The following LAMC3 variants were observed in gnomAD, a reference collection of about 807,000 sequenced individuals.
LAMC3 encodes the protein laminin subunit gamma 3, also known as laminin subunit gamma-3.
A neutral mutation model predicts 173.8 loss-of-function variants in LAMC3; 128 were observed. The observed-to-expected ratio is 0.74, with a 90% CI of 0.64 to 0.85. The LOEUF (loss-of-function observed/expected upper bound fraction) is 0.85, where lower values mean the gene tolerates loss of function less well. Ranked by LOEUF, LAMC3 falls within the 40% of genes least tolerant of loss-of-function variation. The probability of loss-of-function intolerance (pLI) is 0.00; values close to 1 mark genes in which losing one functional copy is unlikely to be tolerated. For synonymous variants in LAMC3, 897 were observed against 909.1 expected (o/e 0.99, Z 0.24); for missense variants, 2,022 against 2,156.0 (o/e 0.94, Z 1.23).
In LAMC3 at chr9:131,091,682, G is replaced by T. The variant is rs1830430190; in HGVS notation, c.4623G>T (p.Leu1541=). ...LLEQESQQQE[L]QIQGFESDLA... ...AGCAGGAATCCCAGCAGCAGGAGCT[G>T]CAGATCCAGGGCTTCGAGAGTGACC... is the stretch of plus-strand genomic sequence containing the variant. The change falls in exon 28 of 28, where the codon CTG becomes CTT. Residue 1541 remains leucine (L), a synonymous_variant. Coordinates refer to ENST00000361069, the MANE Select transcript of LAMC3 (RefSeq NM_006059.4). The T allele has an allele frequency of 6.2e-7, 1 of 1,610,316 alleles. No homozygotes were observed. Among genetic ancestry groups the T allele is most frequent in the East Asian group, 2.2e-5 (1 of 44,808 alleles).
chr9:131,081,450 C>CAT (rs58466021), intron 23 of LAMC3, among the ~76,000 whole-genome samples: 1 of 144,088 alleles, frequency 6.9e-6, no homozygotes, highest in African/African-American at 2.5e-5. Flanking sequence ...TCCCTCCCTC[C>CAT]CTCCCTCCCT....
chr9:131,009,236 C>A lies in LAMC3; in HGVS notation c.22C>A (p.Leu8Met), dbSNP rs1212770797. 2 of 1,253,220 alleles carry A rather than the reference C, an allele frequency of 1.6e-6. No individual in the cohort carries two copies. The highest frequency in any genetic ancestry group is 1.0e-6 in the Non-Finnish European group (1 of 1,003,582). The allele number at this position is 1,253,220 out of a possible 1,614,324, so 77.6% of individuals were successfully genotyped here. The change falls in exon 1 of 28, where the codon CTG (leucine) becomes ATG (methionine). Residue 8 changes from leucine to methionine, a missense_variant. Physicochemically the swap from Leu to Met is conservative, Grantham distance 15. Coordinates refer to ENST00000361069, the MANE Select transcript of LAMC3 (RefSeq NM_006059.4). The surrounding 1 kb of genome is among the most constrained non-coding windows in gnomAD (Gnocchi z 4.3). Reference sequence around the variant, plus strand: ...GACCATGGCGGCGGCTGCGCTTCTGCTGGGGCTGGCGCTGCTGGCACCGCG... The same window carrying A: ...GACCATGGCGGCGGCTGCGCTTCTGATGGGGCTGGCGCTGCTGGCACCGCG... MAAAALL[L>M]GLALLAPRAA... is the part of the protein sequence containing the mutation.
At position 131,069,661 on chromosome 9, in the gene LAMC3, G is replaced by C; in HGVS notation, c.2891-11G>C. On this transcript the variant is annotated splice_polypyrimidine_tract_variant and intron_variant, in intron 16 of 27. Coordinates refer to ENST00000361069, the MANE Select transcript of LAMC3 (RefSeq NM_006059.4). ...TCTAAACCCAGCACGCACTGCCCCT[G>C]GCCCCTCTAGCCTGCAGGTGCTCCC... 2 of 1,597,774 alleles carry C rather than the reference G, an allele frequency of 1.3e-6. No homozygotes were observed. Among genetic ancestry groups the C allele is most frequent in the Non-Finnish European group, 1.7e-6 (2 of 1,173,784 alleles).
chr9:131,022,553 T>C (rs1489786929), intron 1 of LAMC3, among the ~76,000 whole-genome samples: 3 of 123,586 alleles, frequency 2.4e-5, no homozygotes, highest in Non-Finnish European at 5.1e-5. Flanking sequence ...TTTTAGAATA[T>C]ATTTATTTAT....
chr9:131,036,352 A>G lies in LAMC3; in HGVS notation c.976+20A>G, dbSNP rs1833944943. On this transcript the variant is annotated intron_variant, in intron 4 of 27. Transcript: ENST00000361069. ...GTCTGCGTGAGTGTCTGAGTGTCAC[A>G]GGGCATCAGGGACCCGAGGCTGGTG... 1.2e-6 allele frequency: 2 copies of G among 1,612,302 alleles called. No homozygotes were observed. The highest frequency in any genetic ancestry group is 1.3e-5 in the African/African-American group (1 of 74,870).
At chr9:131,078,518 C>T (rs1460979554) in intron 22 of LAMC3, among the ~76,000 whole-genome samples, 2 of 152,076 alleles carry the variant, frequency 1.3e-5, no homozygotes, top group Non-Finnish European at 2.9e-5. Flanking sequence ...AAAAACTCAG[C>T]TTATAAAAAT....
At chr9:131,085,935 C>T in intron 25 of LAMC3, 1 of 629,490 alleles carries the variant, frequency 1.6e-6, no homozygotes, top group African/African-American at 1.8e-5. Flanking sequence ...GGTGAGAATG[C>T]TGAGGTGCAG....
Position 131,068,191 on chromosome 9 carries a change from C to G in LAMC3, c.2707C>G (p.Pro903Ala). Reference sequence around the variant, plus strand: ...TGCACGGGACTGCAGCCGCTGCTACCCTGGCTTCTTCGACCTCCAGCCTGG... The same window carrying G: ...TGCACGGGACTGCAGCCGCTGCTACGCTGGCTTCTTCGACCTCCAGCCTGG... ...VTARDCSRCY[P>A]GFFDLQPGRG... The change falls in exon 15 of 28, where the codon CCT becomes GCT. Residue 903 changes from proline to alanine, a missense_variant. Pro to Ala is a conservative substitution (Grantham distance 27). Transcript: ENST00000361069. 6.2e-7 allele frequency: 1 copy of G among 1,612,758 alleles called. No homozygotes were observed. Among genetic ancestry groups the G allele is most frequent in the Non-Finnish European group, 8.5e-7 (1 of 1,179,540 alleles).
rs183962488 is a variant in LAMC3, at chr9:131,047,778, G to A, written c.1520-1242G>A. ...CTCGGGAGGCTGAGGCAGGAGAATC[G>A]CTTGAACCTGGGAGGCAGAGGTTGC... On this transcript the variant is annotated intron_variant, in intron 8 of 27. Transcript: ENST00000361069. Among the ~76,000 whole-genome samples the A allele has an allele frequency of 4.3e-3, 648 of 151,716 alleles. 4 individuals carry two copies. The highest frequency in any genetic ancestry group is 0.014 in the African/African-American group (597 of 41,450).
chr9:131,082,991 G>A (rs937176769), intron 24 of LAMC3, among the ~76,000 whole-genome samples: 5 of 152,254 alleles, frequency 3.3e-5, no homozygotes, highest in Non-Finnish European at 7.3e-5. Context: ...GCGGCTTGAA[G>A]TCCTAGTCAC....
At position 131,032,025 on chromosome 9, in the gene LAMC3, C is replaced by T. The variant is rs1369785659; in HGVS notation, c.679-20C>T. The T allele has an allele frequency of 6.2e-7, 1 of 1,614,014 alleles. No homozygotes were observed. The highest frequency in any genetic ancestry group is 8.5e-7 in the Non-Finnish European group (1 of 1,180,018). On this transcript the variant is annotated intron_variant, in intron 2 of 27. Coordinates refer to ENST00000361069, the MANE Select transcript of LAMC3 (RefSeq NM_006059.4). ...AATACTCAGGAACCTGCTGATGGCA[C>T]CCTCTCCCCTCTGCCCCAGGAGTGG... is the stretch of plus-strand genomic sequence containing the variant.
At position 131,077,317 on chromosome 9, in the gene LAMC3, G is replaced by T; in HGVS notation, c.3760G>T (p.Ala1254Ser). Reference protein sequence around the residue: ...ADTAPYLALLASPGALPQKSR... With the variant: ...ADTAPYLALLSSPGALPQKSR... ...TACAGCCCCGTACCTGGCCTTGCTG[G>T]CTTCCCCGGGAGCTCTGGTCAGCTC... is the stretch of plus-strand genomic sequence containing the variant. Residue 1254 changes from alanine (A) to serine (S), a missense_variant, in exon 22 of 28, where the codon GCT (alanine) becomes TCT (serine). Transcript: ENST00000361069. 2 of 1,613,872 alleles carry T rather than the reference G, an allele frequency of 1.2e-6. No individual in the cohort carries two copies. The highest frequency in any genetic ancestry group is 1.7e-6 in the Non-Finnish European group (2 of 1,180,026).
At chr9:131,073,120 G>T in intron 19 of LAMC3, 125 bp from the exon 20 acceptor site, 1 of 795,450 alleles carries the variant, frequency 1.3e-6, no homozygotes, top group South Asian at 1.4e-5. Flanking sequence ...CCGATGTTGT[G>T]GCCAGCTTTG....
intron 3 of LAMC3, among the ~76,000 whole-genome samples, chr9:131,035,551 CA>C (rs1230759053): frequency 3.9e-5 from 6 of 152,282 alleles, no homozygotes; most frequent in Admixed American, 3.9e-4. Context: ...ATGATCCAAT[CA>C]GCTCCCACCA....
At chr9:131,016,912 A>G (rs919252001) in intron 1 of LAMC3, among the ~76,000 whole-genome samples, 1 of 151,716 alleles carries the variant, frequency 6.6e-6, no homozygotes, top group Non-Finnish European at 1.5e-5. Flanking sequence ...TAATTTAAAA[A>G]CTGGAGAAAA....
At chr9:131,019,894 C>T (rs934594835) in intron 1 of LAMC3, among the ~76,000 whole-genome samples, 11 of 151,990 alleles carry the variant, frequency 7.2e-5, no homozygotes, top group Non-Finnish European at 1.6e-4. Context: ...CCCGGCCGGG[C>T]CCCGCACCGC....
At position 131,068,107 on chromosome 9, in the gene LAMC3, A is replaced by G; in HGVS notation, c.2623A>G (p.Ser875Gly). The G allele has an allele frequency of 6.2e-7, 1 of 1,612,526 alleles. No individual in the cohort carries two copies. The highest frequency in any genetic ancestry group is 8.5e-7 in the Non-Finnish European group (1 of 1,180,010). ...PCSCHPQGSV[S>G]EQMPCDPVTG... The stretch of plus-strand genomic sequence containing the variant: ...CAGCTGTCACCCACAGGGCTCGGTC[A>G]GTGAGCAGATGCCCTGCGACCCAGT... Residue 875 changes from serine to glycine, a missense_variant, in exon 15 of 28, where the codon AGT (serine) becomes GGT (glycine). By Grantham distance (56) the Ser-to-Gly change is moderately conservative. Transcript: ENST00000361069.
chr9:131,068,323 G>A, intron 15 of LAMC3, 92 bp downstream of exon 15: 1 of 1,382,948 alleles, frequency 7.2e-7, no homozygotes, highest in Non-Finnish European at 9.9e-7. Context: ...GGTTTGGAAG[G>A]TGTTGTCCTA....
chr9:131,071,460 A>G (rs761611121), intron 17 of LAMC3, 24 bp from the exon 18 acceptor site: 11 of 1,589,472 alleles, frequency 6.9e-6, no homozygotes, highest in South Asian at 5.6e-5. Context: ...AGCCTCATAC[A>G]CCTTTTCTTC....
Sources: allele counts gnomAD v4.1 joint callset (sites outside exome capture counted in the v4.1 genomes callset), GRCh38; gene constraint gnomAD v4.1.1; non-coding constraint Gnocchi (gnomAD v3.1); transcripts MANE v1.5; gene names NCBI Gene and HGNC (gene_info 2026-07-23, HGNC 2026-07-21).